ADAMTS18: variants seen among roughly 807,000 people sequenced by gnomAD.
ADAMTS18 encodes the protein ADAM metallopeptidase with thrombospondin type 1 motif 18.
Under a neutral mutation model 165.9 loss-of-function variants are expected in ADAMTS18, and 157 were observed. The observed-to-expected ratio is 0.95, with a 90% CI of 0.83 to 1.08. ADAMTS18 has a LOEUF of 1.08. Ranked by LOEUF, ADAMTS18 falls within the 50% of genes least tolerant of loss-of-function variation. The pLI is 0.00. For synonymous variants in ADAMTS18, 782 were observed against 578.2 expected, an observed-to-expected ratio of 1.35 and a Z score of -5.06; for missense variants, 2,040 against 1,534.0, an observed-to-expected ratio of 1.33 and a Z score of -5.51.
At chr16:77,415,913 C>T (rs1040475493) in intron 3 of ADAMTS18, among the ~76,000 whole-genome samples, 1 of 152,016 alleles carries the variant, frequency 6.6e-6, no homozygotes, top group Non-Finnish European at 1.5e-5. Flanking sequence ...ATGTAACAAA[C>T]GTTTGAGTGC....
intron 3 of ADAMTS18, among the ~76,000 whole-genome samples, chr16:77,426,117 A>G (rs562638761): frequency 6.6e-6 from 1 of 152,242 alleles, no homozygotes; most frequent in African/African-American, 2.4e-5. Flanking sequence ...ACCTCTTGGC[A>G]CTTCACAATG....
chr16:77,380,466 T>C (rs1242628659), intron 3 of ADAMTS18, among the ~76,000 whole-genome samples: 1 of 152,202 alleles, frequency 6.6e-6, no homozygotes, highest in Admixed American at 6.5e-5. Flanking sequence ...GTTTGGAAAG[T>C]ATAAGCAGAT....
chr16:77,361,982 C>A, intron 7 of ADAMTS18, 123 bp downstream of exon 7: 1 of 1,121,142 alleles, frequency 8.9e-7, no homozygotes, highest in Non-Finnish European at 1.3e-6. Context: ...CATTAGGTTA[C>A]TCCATAATTT....
chr16:77,364,471 A>G (rs1407175890), intron 4 of ADAMTS18, 90 bp from the exon 5 acceptor site: 22 of 1,414,920 alleles, frequency 1.6e-5, no homozygotes, highest in African/African-American at 2.9e-5. Context: ...GGAAGAAGAG[A>G]AACTATGTAA....
intron 13 of ADAMTS18, among the ~76,000 whole-genome samples, chr16:77,325,400 T>A (rs911781741): frequency 6.6e-6 from 1 of 152,200 alleles, no homozygotes; most frequent in East Asian, 1.9e-4. Context: ...TTTTTATTTA[T>A]GATTCTGTGT....
chr16:77,292,896 T>G (rs1223421724), intron 20 of ADAMTS18, 180 bp downstream of exon 20: 4 of 628,176 alleles, frequency 6.4e-6, no homozygotes, highest in Non-Finnish European at 1.1e-5. Context: ...CTCAGCTCAC[T>G]GCAAACTCCG....
intron 3 of ADAMTS18, among the ~76,000 whole-genome samples, chr16:77,379,546 T>G (rs539567995): frequency 1.4e-4 from 21 of 152,158 alleles, no homozygotes; most frequent in Non-Finnish European, 2.9e-4. Context: ...TGGAGTACAG[T>G]GGAGCTATTT....
intron 11 of ADAMTS18, among the ~76,000 whole-genome samples, chr16:77,338,962 A>C (rs2056355614): frequency 6.6e-6 from 1 of 152,018 alleles, no homozygotes; most frequent in South Asian, 2.1e-4. Context: ...TCAAAAAAAA[A>C]AAAAAAAAAG....
rs1461375710 is a variant in ADAMTS18 at position 77,434,962 on chromosome 16, A to G, written c.-267T>C. ...GGGGGGCTCCCTGGGCCGGGACTGGAGCGCAAACGGTTGGGAGACTGTCGG... is the reference window on the plus strand; with the variant it reads ...GGGGGGCTCCCTGGGCCGGGACTGGGGCGCAAACGGTTGGGAGACTGTCGG... On this transcript the variant is annotated 5_prime_UTR_variant, in exon 1 of 23. Transcript: ENST00000282849. 11 of 328,688 alleles carry G rather than the reference A, an allele frequency of 3.3e-5. No individual in the cohort carries two copies. The highest frequency in any genetic ancestry group is 6.0e-5 in the Non-Finnish European group (11 of 182,678). 20.4% of individuals were successfully genotyped at this position (328,688 alleles called of 1,614,324 possible). A position where few individuals can be genotyped will look rare whatever the true frequency, so the allele number is the denominator to read the frequency against.
At chr16:77,427,194 T>G (rs1299094821) in intron 3 of ADAMTS18, among the ~76,000 whole-genome samples, 1 of 152,178 alleles carries the variant, frequency 6.6e-6, no homozygotes, top group Non-Finnish European at 1.5e-5. Context: ...GGAATTCACA[T>G]TTTCAGCCCT....
intron 3 of ADAMTS18, among the ~76,000 whole-genome samples, chr16:77,400,456 CTGTGTGTGTG>C (rs796918149): frequency 2.7e-5 from 3 of 110,770 alleles, no homozygotes; most frequent in African/African-American, 7.4e-5. Flanking sequence ...GTGTGTGTGT[CTGTGTGTGTG>C]TGTGTGTGTG....
intron 3 of ADAMTS18, among the ~76,000 whole-genome samples, chr16:77,414,002 A>C (rs1329598148): frequency 1.3e-5 from 2 of 152,206 alleles, no homozygotes; most frequent in Admixed American, 6.5e-5. Context: ...ATACAACTAC[A>C]TAGAAATATG....
At chr16:77,391,375 C>G (rs2057184196) in intron 3 of ADAMTS18, among the ~76,000 whole-genome samples, 1 of 151,894 alleles carries the variant, frequency 6.6e-6, no homozygotes. Context: ...CCTGTAGTCC[C>G]AGCTACTCGG....
intron 3 of ADAMTS18, among the ~76,000 whole-genome samples, chr16:77,417,111 T>A (rs1318406565): frequency 2.0e-5 from 3 of 151,338 alleles, no homozygotes; most frequent in Non-Finnish European, 4.4e-5. Context: ...TGTTGCAGCA[T>A]CCTTATGACA....
chr16:77,344,176 T>TAC (rs1555515918), intron 10 of ADAMTS18, among the ~76,000 whole-genome samples: 30 of 147,376 alleles, frequency 2.0e-4, no homozygotes, highest in Admixed American at 1.2e-3. Context: ...TATATATATA[T>TAC]ACACATACAG....
intron 10 of ADAMTS18, among the ~76,000 whole-genome samples, chr16:77,352,879 G>GT (rs1193972992): frequency 1.1e-4 from 16 of 152,210 alleles, no homozygotes; most frequent in African/African-American, 3.9e-4. Context: ...GGAGGCCGAG[G>GT]TGGGAGATCA....
At chr16:77,340,376 C>T (rs541185676) in intron 11 of ADAMTS18, among the ~76,000 whole-genome samples, 44 of 152,164 alleles carry the variant, frequency 2.9e-4, no homozygotes, top group South Asian at 1.0e-3. Context: ...GGTTTCACCA[C>T]GTTGGCCAGG....
chr16:77,376,367 G>A (rs757838289), intron 3 of ADAMTS18, among the ~76,000 whole-genome samples: 1 of 152,136 alleles, frequency 6.6e-6, no homozygotes, highest in Non-Finnish European at 1.5e-5. Context: ...TCCAACACTG[G>A]GAATTACAAA....
intron 10 of ADAMTS18, among the ~76,000 whole-genome samples, chr16:77,350,181 C>T (rs2056535586): frequency 6.6e-6 from 1 of 152,170 alleles, no homozygotes; most frequent in Admixed American, 6.5e-5. Flanking sequence ...TGCTTTGAGT[C>T]TTTCCAGATA....
Sources: gnomAD v4.1 joint callset for allele counts (sites outside exome capture counted in the v4.1 genomes callset) on GRCh38, gnomAD v4.1.1 for gene constraint, MANE v1.5 for transcripts, NCBI Gene and HGNC (gene_info 2026-07-23, HGNC 2026-07-21) for gene names.